KYNU: variants seen among roughly 807,000 people sequenced by gnomAD.
The protein encoded by KYNU is L-kynurenine hydrolase.
KYNU carries 54 observed loss-of-function variants against 59.2 expected under a neutral mutation model. The observed-to-expected ratio is 0.91, with a 90% CI of 0.73 to 1.14. The LOEUF is 1.14. Ranked by LOEUF, KYNU falls within the 50% of genes most tolerant of loss-of-function variation. KYNU has a pLI of 0.00. For synonymous variants in KYNU, 177 were observed against 192.0 expected (o/e 0.92, Z 0.65); for missense variants, 567 against 554.4 (o/e 1.02, Z -0.23).
chr2:142,881,982 T>C (rs895630185), intron 1 of KYNU, among the ~76,000 whole-genome samples: 1 of 145,628 alleles, frequency 6.9e-6, no homozygotes, highest in East Asian at 2.0e-4. Context: ...CTCAAACTCC[T>C]GGCTTCAAGC....
At chr2:143,002,775 A>T (rs1182921124) in intron 10 of KYNU, among the ~76,000 whole-genome samples, 2 of 152,248 alleles carry the variant, frequency 1.3e-5, no homozygotes, top group Non-Finnish European at 2.9e-5. Context: ...TTAAAAAAGA[A>T]AATGCCAAGC....
At chr2:142,987,959 C>T (rs1022872180) in intron 10 of KYNU, among the ~76,000 whole-genome samples, 7 of 151,890 alleles carry the variant, frequency 4.6e-5, no homozygotes, top group Non-Finnish European at 1.0e-4. Context: ...CCTGCCTCCC[C>T]CTTCACCCTC....
chr2:142,926,456 G>A (rs1683048218), intron 3 of KYNU, among the ~76,000 whole-genome samples: 1 of 152,106 alleles, frequency 6.6e-6, no homozygotes, highest in Non-Finnish European at 1.5e-5. Flanking sequence ...TTGATCAATA[G>A]AAGTTTGATT....
intron 12 of KYNU, among the ~76,000 whole-genome samples, chr2:143,037,214 C>T (rs550673868): frequency 3.3e-5 from 5 of 152,234 alleles, no homozygotes; most frequent in Admixed American, 6.5e-5. Flanking sequence ...TCAATGGACA[C>T]GAAGTGTGAC....
chr2:142,960,850 A>T, intron 8 of KYNU, 80 bp downstream of exon 8: 1 of 1,397,330 alleles, frequency 7.2e-7, no homozygotes, highest in Non-Finnish European at 1.0e-6. Flanking sequence ...TGACTTGTGA[A>T]GTACTTTAGC....
chr2:142,910,533 C>A (rs1355190721), intron 2 of KYNU, among the ~76,000 whole-genome samples: 1 of 152,048 alleles, frequency 6.6e-6, no homozygotes, highest in African/African-American at 2.4e-5. Context: ...TGTCTATTTA[C>A]TCTGCTGATA....
At chr2:143,018,400 C>T (rs898150890) in intron 10 of KYNU, among the ~76,000 whole-genome samples, 26 of 152,260 alleles carry the variant, frequency 1.7e-4, no homozygotes, top group South Asian at 1.2e-3. Flanking sequence ...AGTAGGGAGT[C>T]CTTTTCCGAT....
intron 12 of KYNU, among the ~76,000 whole-genome samples, chr2:143,035,832 A>T (rs900725038): frequency 2.0e-5 from 3 of 152,072 alleles, no homozygotes; most frequent in Non-Finnish European, 4.4e-5. Flanking sequence ...GAGTGCAGTG[A>T]TGGGATCTCA....
chr2:142,929,043 T>C (rs1490788648), intron 4 of KYNU, among the ~76,000 whole-genome samples: 78 of 126,792 alleles, frequency 6.2e-4, no homozygotes, highest in Admixed American at 1.4e-3. Context: ...CGAACAACAC[T>C]CACCTTCCTT....
rs1316548351 is a variant in KYNU, at chr2:143,042,650, A to ATGTG, written c.*479_*480insGTGT. 7.3e-6 allele frequency: 1 copy of ATGTG among 136,910 alleles called. No homozygotes were observed. The highest frequency in any genetic ancestry group is 1.6e-5 in the Non-Finnish European group (1 of 64,438). 8.5% of individuals were successfully genotyped at this position (136,910 alleles called of 1,614,324 possible). ...TATATATGTGTGTGTGTGTGTGTGTATATATATATATATATATCATATATA... is the reference window on the plus strand; with the variant it reads ...TATATATGTGTGTGTGTGTGTGTGTATGTGTATATATATATATATATCATATATA... On this transcript the variant is annotated 3_prime_UTR_variant, in exon 14 of 14. Transcript: ENST00000264170.
intron 10 of KYNU, among the ~76,000 whole-genome samples, chr2:143,012,574 TTTG>T (rs1414953984): frequency 1.3e-5 from 2 of 152,154 alleles, no homozygotes; most frequent in African/African-American, 4.8e-5. Context: ...TTTTCATATT[TTTG>T]TTTTATTTTT....
At chr2:142,949,456 T>C (rs775244632) in intron 4 of KYNU, among the ~76,000 whole-genome samples, 10 of 152,224 alleles carry the variant, frequency 6.6e-5, no homozygotes, top group African/African-American at 2.4e-4. Flanking sequence ...ATACATCTTC[T>C]GAAATCTAGG....
At position 142,897,236 on chromosome 2, in the gene KYNU, G is replaced by C. The variant is rs564974874; in HGVS notation, c.169+11700G>C. Among the ~76,000 whole-genome samples the C allele has an allele frequency of 2.6e-5, 4 of 152,250 alleles. 1 individual carries two copies. In the South Asian group the frequency reaches 8.3e-4, roughly 32 times the overall value. On this transcript the variant is annotated intron_variant, in intron 2 of 13. Coordinates refer to ENST00000264170, the MANE Select transcript of KYNU (RefSeq NM_003937.3). ...CTGTTTGCTGGAGTGTTCTTTAAAAGCCAGTTACATTCATTTGGTTCCTGG... is the reference window on the plus strand; with the variant it reads ...CTGTTTGCTGGAGTGTTCTTTAAAACCCAGTTACATTCATTTGGTTCCTGG...
At chr2:142,897,507 A>C (rs1681920175) in intron 2 of KYNU, among the ~76,000 whole-genome samples, 1 of 152,256 alleles carries the variant, frequency 6.6e-6, no homozygotes, top group Non-Finnish European at 1.5e-5. Context: ...AATTCATATT[A>C]GATGCTTATA....
At chr2:142,989,090 A>G (rs932274762) in intron 10 of KYNU, among the ~76,000 whole-genome samples, 6 of 151,934 alleles carry the variant, frequency 3.9e-5, no homozygotes, top group Admixed American at 1.3e-4. Context: ...AAATAAGTGT[A>G]ATTGTTCAGA....
intron 1 of KYNU, among the ~76,000 whole-genome samples, chr2:142,878,106 C>T (rs1300236366): frequency 2.6e-5 from 4 of 152,032 alleles, no homozygotes; most frequent in Admixed American, 2.6e-4. Context: ...ATTTTAAGTC[C>T]TCTGTTTTCT....
chr2:142,941,167 G>GC (rs1683586781), intron 4 of KYNU, among the ~76,000 whole-genome samples: 1 of 152,146 alleles, frequency 6.6e-6, no homozygotes, highest in Admixed American at 6.5e-5. Flanking sequence ...TTGATGGGCA[G>GC]CCCCCCATAG....
intron 4 of KYNU, chr2:142,948,060 T>G (rs1381215573): frequency 6.6e-6 from 1 of 152,200 alleles, no homozygotes; most frequent in African/African-American, 2.4e-5. Context: ...GAAGAAATCA[T>G]CAATAAAAGG....
intron 13 of KYNU, among the ~76,000 whole-genome samples, chr2:143,041,366 T>C (rs1687039547): frequency 6.6e-6 from 1 of 152,034 alleles, no homozygotes; most frequent in African/African-American, 2.4e-5. Context: ...TAAATCAAAC[T>C]CTGCTGTCGT....
Sources: gnomAD v4.1 joint callset for allele counts (sites outside exome capture counted in the v4.1 genomes callset) on GRCh38, gnomAD v4.1.1 for gene constraint, MANE v1.5 for transcripts, NCBI Gene and HGNC (gene_info 2026-07-23, HGNC 2026-07-21) for gene names.